Variants in MYO16 observed in about 807,000 individuals in gnomAD.
MYO16 encodes myosin XVI.
In MYO16, 94 loss-of-function variants were observed where a neutral mutation model predicts 205.3. The observed-to-expected ratio is 0.46, with a 90% confidence interval of 0.39 to 0.54. MYO16 has a LOEUF of 0.54. Ranked by LOEUF, MYO16 falls within the 20% of genes least tolerant of loss-of-function variation. MYO16 has a pLI of 0.00. For synonymous variants in MYO16, 988 were observed against 954.0 expected (o/e 1.04, Z -0.66); for missense variants, 2,315 against 2,387.5 (o/e 0.97, Z 0.63).
intron 27 of MYO16, among the ~76,000 whole-genome samples, chr13:109,093,568 A>T (rs1017366904): frequency 5.9e-5 from 9 of 152,098 alleles, no homozygotes; most frequent in Non-Finnish European, 1.3e-4. Flanking sequence ...TAGTCTGGGG[A>T]ATAAATGCTC....
intron 1 of MYO16, among the ~76,000 whole-genome samples, chr13:108,605,260 T>G (rs766574959): frequency 3.3e-5 from 5 of 152,152 alleles, no homozygotes; most frequent in Non-Finnish European, 5.9e-5. Context: ...TAGCACTGCT[T>G]TTAAGGAGCC....
intron 16 of MYO16, among the ~76,000 whole-genome samples, chr13:108,925,544 C>CT (rs1881960025): frequency 6.6e-6 from 1 of 152,144 alleles, no homozygotes; most frequent in Non-Finnish European, 1.5e-5. Context: ...AACATTTTGA[C>CT]TTTCTCACCT....
intron 3 of MYO16, among the ~76,000 whole-genome samples, chr13:108,713,814 T>G (rs1883817275): frequency 6.6e-6 from 1 of 152,202 alleles, no homozygotes; most frequent in African/African-American, 2.4e-5. Context: ...TGGAAATAGA[T>G]ACAAAGAGAG....
intron 2 of MYO16, among the ~76,000 whole-genome samples, chr13:108,679,317 T>C (rs565701189): frequency 3.9e-5 from 6 of 152,300 alleles, no homozygotes; most frequent in African/African-American, 1.2e-4. Flanking sequence ...TCCTTCTTTT[T>C]CATTGCACTT....
At chr13:109,088,803 C>T (rs1035845758) in intron 27 of MYO16, among the ~76,000 whole-genome samples, 2 of 152,194 alleles carry the variant, frequency 1.3e-5, no homozygotes, top group Non-Finnish European at 2.9e-5. Context: ...GGAGGAGAGG[C>T]CACAGCAGCC....
intron 1 of MYO16, among the ~76,000 whole-genome samples, chr13:108,607,903 G>T (rs1252620324): frequency 6.6e-6 from 1 of 152,044 alleles, no homozygotes; most frequent in East Asian, 1.9e-4. Flanking sequence ...TTCTCTTAGG[G>T]TTTCACCCCT....
chr13:108,578,697 C>G, the MYO16 span, among the ~76,000 whole-genome samples: 2 of 152,128 alleles, frequency 1.3e-5, no homozygotes, highest in African/African-American at 2.4e-5. Context: ...TTCTCGTGTT[C>G]AACTTCAGAA....
At chr13:108,718,108 T>G (rs9520984) in intron 3 of MYO16, among the ~76,000 whole-genome samples, 48,166 of 152,062 alleles carry the variant, frequency 0.32, 8,172 homozygotes, top group Middle Eastern at 0.46. Context: ...CTTACTACAG[T>G]AGGGGTGGTT....
intron 9 of MYO16, among the ~76,000 whole-genome samples, chr13:108,826,799 G>A (rs1471318808): frequency 6.6e-6 from 1 of 152,004 alleles, no homozygotes; most frequent in Non-Finnish European, 1.5e-5. Context: ...TATTTATCAG[G>A]AAAAGCCAAA....
chr13:109,107,155 G>A (rs560915544), intron 28 of MYO16, among the ~76,000 whole-genome samples: 1 of 152,264 alleles, frequency 6.6e-6, no homozygotes, highest in Non-Finnish European at 1.5e-5. Context: ...GGCTCTGAAA[G>A]AAATAACAAA....
chr13:108,551,329 G>C, the MYO16 span, among the ~76,000 whole-genome samples: 1 of 152,158 alleles, frequency 6.6e-6, no homozygotes, highest in Non-Finnish European at 1.5e-5. Flanking sequence ...TAAGTCTAAA[G>C]TTGAACTGGC....
chr13:108,825,093 A>C (rs905922381), intron 9 of MYO16, among the ~76,000 whole-genome samples: 4 of 152,108 alleles, frequency 2.6e-5, no homozygotes, highest in Non-Finnish European at 4.4e-5. Context: ...TCAGATAAAA[A>C]TATCAGATAA....
chr13:108,608,906 A>T, intron 1 of MYO16, among the ~76,000 whole-genome samples: 1 of 152,160 alleles, frequency 6.6e-6, no homozygotes, highest in East Asian at 1.9e-4. Flanking sequence ...AGCCTCCCAA[A>T]GTGCAGGGAT....
the MYO16 span, among the ~76,000 whole-genome samples, chr13:108,550,059 T>A: frequency 6.6e-6 from 1 of 152,244 alleles, no homozygotes; most frequent in Non-Finnish European, 1.5e-5. Flanking sequence ...GGCTGGCAGA[T>A]CACACAACTG....
At chr13:108,531,239 T>C in the MYO16 span, among the ~76,000 whole-genome samples, 1 of 152,230 alleles carries the variant, frequency 6.6e-6, no homozygotes, top group Non-Finnish European at 1.5e-5. Context: ...ATTAGTGTCT[T>C]TGTTCTTAGA....
the MYO16 span, among the ~76,000 whole-genome samples, chr13:108,525,030 C>T: frequency 6.6e-6 from 1 of 151,910 alleles, no homozygotes; most frequent in Non-Finnish European, 1.5e-5. Flanking sequence ...AATAATAGTT[C>T]ATATTCAGAA....
chr13:109,112,164 G>T (rs1369199784), intron 28 of MYO16, among the ~76,000 whole-genome samples: 1 of 152,122 alleles, frequency 6.6e-6, no homozygotes, highest in Non-Finnish European at 1.5e-5. Context: ...ATAGTAAATA[G>T]CATCTCTTTT....
chr13:108,869,760 A>AAG (rs71204889), intron 12 of MYO16, among the ~76,000 whole-genome samples: 3 of 141,074 alleles, frequency 2.1e-5, no homozygotes, highest in Non-Finnish European at 4.6e-5. Flanking sequence ...AAAAAAAAAA[A>AAG]GAAACCACAC....
intron 23 of MYO16, among the ~76,000 whole-genome samples, chr13:109,026,373 G>C (rs77708022): frequency 1.7e-4 from 26 of 152,098 alleles, no homozygotes; most frequent in East Asian, 7.7e-4. Context: ...GTGACCACGG[G>C]GGGAGGTATT....
Sources: allele counts gnomAD v4.1 joint callset (sites outside exome capture counted in the v4.1 genomes callset), GRCh38; gene constraint gnomAD v4.1.1; transcripts MANE v1.5; gene names NCBI Gene and HGNC (gene_info 2026-07-23, HGNC 2026-07-21).